RCAN2: variants seen among roughly 807,000 people sequenced by gnomAD.
RCAN2 encodes regulator of calcineurin 2, also known as calcipressin-2.
In RCAN2, 9 loss-of-function variants were observed where a neutral mutation model predicts 23.6. The ratio of observed to expected loss-of-function variants is 0.38; its 90% CI spans 0.23 to 0.67. The LOEUF is 0.67. Among genes scored for constraint, RCAN2 ranks in the 30% least tolerant of loss-of-function variants. The pLI is 0.51. For missense variants in RCAN2, 273 were observed against 302.3 expected (o/e 0.90, Z 0.72); for synonymous variants, 109 against 115.7 (o/e 0.94, Z 0.37).
At chr6:46,488,270 T>C (rs1769080589) in intron 1 of RCAN2, among the ~76,000 whole-genome samples, 1 of 152,248 alleles carries the variant, frequency 6.6e-6, no homozygotes, top group Non-Finnish European at 1.5e-5. Context: ...TATCCTCTCT[T>C]TGCCTTGGTT....
intron 2 of RCAN2, among the ~76,000 whole-genome samples, chr6:46,382,178 T>C (rs1765629599): frequency 6.6e-6 from 1 of 152,220 alleles, no homozygotes; most frequent in Non-Finnish European, 1.5e-5. Context: ...TTTTGGATAA[T>C]TCACTTAACT....
chr6:46,478,962 C>A (rs1006917992), intron 1 of RCAN2, among the ~76,000 whole-genome samples: 1 of 152,160 alleles, frequency 6.6e-6, no homozygotes, highest in Admixed American at 6.5e-5. Context: ...AGAATCAGGA[C>A]AAAGGACGAC....
intron 2 of RCAN2, among the ~76,000 whole-genome samples, chr6:46,286,405 T>C (rs1227488220): frequency 6.6e-6 from 1 of 152,220 alleles, no homozygotes; most frequent in East Asian, 1.9e-4. Context: ...TTTCACACTA[T>C]TATATATCAT....
intron 2 of RCAN2, among the ~76,000 whole-genome samples, chr6:46,436,581 T>C (rs1316943961): frequency 6.6e-6 from 1 of 152,170 alleles, no homozygotes; most frequent in African/African-American, 2.4e-5. Flanking sequence ...CTATTATTAT[T>C]CCTAGCCAAT....
intron 2 of RCAN2, among the ~76,000 whole-genome samples, chr6:46,339,314 T>G (rs1345059): frequency 3.3e-5 from 5 of 151,764 alleles, no homozygotes; most frequent in Admixed American, 3.3e-4. Context: ...ATAGGAGAAG[T>G]ATTTAAGTTT....
chr6:46,471,977 G>C (rs759614383), intron 1 of RCAN2, among the ~76,000 whole-genome samples: 1 of 152,108 alleles, frequency 6.6e-6, no homozygotes, highest in Admixed American at 6.5e-5. Flanking sequence ...CCCAGGACTC[G>C]GCGACTTGCA....
chr6:46,224,819 AG>A (rs1442445288), intron 4 of RCAN2, among the ~76,000 whole-genome samples: 1 of 151,842 alleles, frequency 6.6e-6, no homozygotes, highest in Non-Finnish European at 1.5e-5. Flanking sequence ...TTTAACTTCT[AG>A]GGTACATGTG....
chr6:46,253,923 C>T (rs1010805520), intron 2 of RCAN2, among the ~76,000 whole-genome samples: 1 of 152,112 alleles, frequency 6.6e-6, no homozygotes, highest in Non-Finnish European at 1.5e-5. Flanking sequence ...TAGGCTGTAC[C>T]ATAGAGCTTG....
intron 2 of RCAN2, among the ~76,000 whole-genome samples, chr6:46,414,473 G>A (rs1439656663): frequency 2.6e-5 from 4 of 152,200 alleles, no homozygotes; most frequent in Non-Finnish European, 5.9e-5. Flanking sequence ...TGTCGAACTT[G>A]GCTAGGTCAC....
chr6:46,392,189 C>A (rs1416979198), intron 2 of RCAN2, among the ~76,000 whole-genome samples: 4 of 152,126 alleles, frequency 2.6e-5, no homozygotes, highest in Non-Finnish European at 5.9e-5. Context: ...TGACCATGGC[C>A]AAGCCCATCT....
At chr6:46,331,231 C>T (rs552779365) in intron 2 of RCAN2, among the ~76,000 whole-genome samples, 2 of 151,968 alleles carry the variant, frequency 1.3e-5, no homozygotes, top group East Asian at 3.9e-4. Flanking sequence ...GGCTGGTCTC[C>T]AATTCCTGGC....
intron 2 of RCAN2, among the ~76,000 whole-genome samples, chr6:46,373,087 C>T (rs747937652): frequency 5.3e-5 from 8 of 152,068 alleles, no homozygotes; most frequent in Non-Finnish European, 2.9e-5. Context: ...AGTGAGGGAG[C>T]CAGACAATTT....
chr6:46,418,822 G>A (rs1766785558), intron 2 of RCAN2, among the ~76,000 whole-genome samples: 1 of 150,292 alleles, frequency 6.7e-6, no homozygotes. Context: ...GGGCACAGTG[G>A]CTCATGACTG....
intron 2 of RCAN2, among the ~76,000 whole-genome samples, chr6:46,387,839 A>C (rs986639654): frequency 6.6e-6 from 1 of 152,336 alleles, no homozygotes; most frequent in Non-Finnish European, 1.5e-5. Context: ...AATGGCAAAG[A>C]CTTGGAACCA....
At chr6:46,464,315 C>T (rs914983930) in intron 1 of RCAN2, among the ~76,000 whole-genome samples, 19 of 152,016 alleles carry the variant, frequency 1.2e-4, no homozygotes, top group Non-Finnish European at 2.4e-4. Flanking sequence ...TTGATAATAT[C>T]TGGGACAAAA....
At chr6:46,384,727 T>C (rs1434173998) in intron 2 of RCAN2, among the ~76,000 whole-genome samples, 2 of 152,170 alleles carry the variant, frequency 1.3e-5, no homozygotes, top group African/African-American at 2.4e-5. Flanking sequence ...GTCAAACTTA[T>C]CTAAGGTGAC....
intron 1 of RCAN2, chr6:46,468,762 T>C: frequency 4.1e-6 from 4 of 965,800 alleles, no homozygotes; most frequent in Non-Finnish European, 4.9e-6. Flanking sequence ...TCCCCACTCT[T>C]TCTCTCTCTC....
intron 2 of RCAN2, among the ~76,000 whole-genome samples, chr6:46,423,381 T>C (rs955755168): frequency 6.6e-6 from 1 of 152,112 alleles, no homozygotes; most frequent in Admixed American, 6.5e-5. Flanking sequence ...TTCAATATTG[T>C]AGAGGATAGA....
chr6:46,461,779 T>C (rs1032510182), intron 1 of RCAN2, among the ~76,000 whole-genome samples: 1 of 151,196 alleles, frequency 6.6e-6, no homozygotes, highest in Non-Finnish European at 1.5e-5. Flanking sequence ...AGAGACGGAG[T>C]TTTTCCATGT....
Sources: allele counts gnomAD v4.1 joint callset (sites outside exome capture counted in the v4.1 genomes callset), GRCh38; gene constraint gnomAD v4.1.1; transcripts MANE v1.5; gene names NCBI Gene and HGNC (gene_info 2026-07-23, HGNC 2026-07-21).